ZNF831: variants seen among roughly 807,000 people sequenced by gnomAD.
The protein encoded by ZNF831 is zinc finger protein 831.
ZNF831 carries 59 observed loss-of-function variants against 95.8 expected under a neutral mutation model. The ratio of observed to expected loss-of-function variants is 0.62; its 90% CI spans 0.50 to 0.77. The LOEUF (loss-of-function observed/expected upper bound fraction) is 0.77, where lower values mean the gene tolerates loss of function less well. ZNF831 is among the 30% of genes least tolerant of loss of function. ZNF831 has a pLI of 0.00. For synonymous variants in ZNF831, 961 were observed against 925.5 expected, an observed-to-expected ratio of 1.04 and a Z score of -0.70; for missense variants, 2,205 against 2,164.0, an observed-to-expected ratio of 1.02 and a Z score of -0.38.
chr20:59,218,667 C>T (rs1344898126), intron 4 of ZNF831, among the ~76,000 whole-genome samples: 1 of 151,686 alleles, frequency 6.6e-6, no homozygotes, highest in Non-Finnish European at 1.5e-5. Flanking sequence ...ATGTGGCTGT[C>T]CTTGACCCTG....
chr20:59,233,614 G>A (rs139538378), intron 4 of ZNF831, among the ~76,000 whole-genome samples: 400 of 152,258 alleles, frequency 2.6e-3, no homozygotes, highest in Admixed American at 7.9e-3. Context: ...GTAAACAAGT[G>A]GCCATCCAAC....
intron 1 of ZNF831, among the ~76,000 whole-genome samples, chr20:59,132,656 T>G (rs1235780175): frequency 6.6e-6 from 1 of 152,268 alleles, no homozygotes; most frequent in African/African-American, 2.4e-5. Flanking sequence ...TGCCTATTTT[T>G]TTTTCAATTG....
intron 3 of ZNF831, among the ~76,000 whole-genome samples, chr20:59,204,732 C>T (rs1030010563): frequency 2.6e-5 from 4 of 152,108 alleles, no homozygotes; most frequent in Admixed American, 6.5e-5. Flanking sequence ...CAGCCGGGTG[C>T]GGAGGTGCAG....
chr20:59,254,703 C>T lies in ZNF831; in HGVS notation c.4994C>T (p.Thr1665Ile), dbSNP rs1988095404. The T allele has an allele frequency of 6.2e-7, 1 of 1,613,148 alleles. No individual in the cohort carries two copies. Among genetic ancestry groups the T allele is most frequent in the Non-Finnish European group, 8.5e-7 (1 of 1,179,808 alleles). Reference protein sequence around the residue: ...RKQTRVEFSDTSSDDEDRLVI... With the variant: ...RKQTRVEFSDISSDDEDRLVI... ...CAAACTCGAGTAGAGTTCAGTGACA[C>T]CAGCAGCGACGATGAAGACCGATTA... Residue 1665 changes from threonine (T) to isoleucine (I), a missense_variant, in exon 6 of 6, where the codon ACC becomes ATC. Coordinates refer to ENST00000371030, the MANE Select transcript of ZNF831 (RefSeq NM_178457.3). The surrounding 1 kb of genome is among the most constrained non-coding windows in gnomAD (Gnocchi z 4.5).
intron 1 of ZNF831, among the ~76,000 whole-genome samples, chr20:59,184,983 G>A (rs576876713): frequency 1.3e-5 from 2 of 152,306 alleles, no homozygotes; most frequent in South Asian, 4.1e-4. Flanking sequence ...TGAGGGATGC[G>A]CCAAGTTCCC....
chr20:59,123,897 A>G lies in ZNF831; in HGVS notation c.-1425+392A>G, dbSNP rs140608923. 2.2e-3 allele frequency among the ~76,000 whole-genome samples: 329 copies of G among 152,340 alleles called. 1 individual carries two copies. The highest frequency in any genetic ancestry group is 7.6e-3 in the African/African-American group (315 of 41,574). ...CATCCACAGAACATAAACCAGATTA[A>G]GAAGCTCTCTGAAGCATATTTGAAG... On this transcript the variant is annotated intron_variant, in intron 1 of 7. Transcript: ENST00000637017.
In ZNF831 at chr20:59,233,352, A is replaced by C. The variant is rs188134796; in HGVS notation, c.4028-19626A>C. On this transcript the variant is annotated intron_variant, in intron 4 of 5. Coordinates refer to ENST00000371030, the MANE Select transcript of ZNF831 (RefSeq NM_178457.3). ...TTTTGGCCTAGGTTCTTCTCCCAAC[A>C]TTTGCCTTTGGGTCCCTCCTGGTGT... Among the ~76,000 whole-genome samples the C allele has an allele frequency of 2.6e-3, 395 of 152,022 alleles. 4 individuals are homozygous for C. The highest frequency in any genetic ancestry group is 3.1e-3 in the Non-Finnish European group (210 of 67,978).
chr20:59,191,733 C>T lies in ZNF831; in HGVS notation c.714C>T (p.His238=), dbSNP rs1983553012. The T allele has an allele frequency of 2.5e-6, 4 of 1,588,770 alleles. No homozygotes were observed. The highest frequency in any genetic ancestry group is 3.4e-6 in the Non-Finnish European group (4 of 1,166,410). ...GRGESRCQGM[H]EGASERPLSP... is the part of the protein sequence containing the mutation. ...GCGAGAGCAGGTGCCAGGGGATGCA[C>T]GAAGGCGCCTCGGAGAGACCCCTTT... Residue 238 remains histidine (H), a synonymous_variant, in exon 2 of 6, where the codon CAC becomes CAT. Transcript: ENST00000371030.
chr20:59,159,646 G>A (rs1228664823), upstream of ZNF831: 5 of 152,160 alleles, frequency 3.3e-5, no homozygotes, highest in Admixed American at 1.3e-4. Flanking sequence ...CTGTTCCCTC[G>A]CACAGGGCTG....
intron 4 of ZNF831, among the ~76,000 whole-genome samples, chr20:59,238,072 T>G (rs1227571150): frequency 2.6e-5 from 4 of 152,300 alleles, no homozygotes; most frequent in South Asian, 4.1e-4. Context: ...TCATCCATAT[T>G]TTATCTGCCA....
chr20:59,240,651 A>T (rs1312218521), intron 4 of ZNF831, among the ~76,000 whole-genome samples: 1 of 151,828 alleles, frequency 6.6e-6, no homozygotes, highest in Non-Finnish European at 1.5e-5. Context: ...AATACAAAAA[A>T]ATTAGCCGGG....
At chr20:59,182,869 G>A (rs779675407) in intron 1 of ZNF831, among the ~76,000 whole-genome samples, 15 of 152,344 alleles carry the variant, frequency 9.8e-5, no homozygotes, top group Admixed American at 4.6e-4. Flanking sequence ...TTAGGGAGGC[G>A]TTGTTTCTAA....
intron 1 of ZNF831, among the ~76,000 whole-genome samples, chr20:59,178,475 C>T (rs1382702758): frequency 6.6e-6 from 1 of 152,200 alleles, no homozygotes; most frequent in Non-Finnish European, 1.5e-5. Context: ...AATTCATTCA[C>T]TCAACCAATA....
At chr20:59,125,291 G>A (rs773060234) in intron 1 of ZNF831, among the ~76,000 whole-genome samples, 6 of 152,204 alleles carry the variant, frequency 3.9e-5, no homozygotes, top group Admixed American at 2.0e-4. Context: ...TTCTTGATAC[G>A]TGAAATAATA....
Position 59,254,556 on chromosome 20 carries a change from A to C in ZNF831, c.4847A>C (p.Gln1616Pro), listed in dbSNP as rs759013571. Reference protein sequence around the residue: ...PSLGSDGRKRQVSGLITRKDS... With the variant: ...PSLGSDGRKRPVSGLITRKDS... Reference sequence around the variant, plus strand: ...TTAGGAAGTGACGGTAGGAAACGTCAGGTATCTGGATTAATCACTCGGAAA... The same window carrying C: ...TTAGGAAGTGACGGTAGGAAACGTCCGGTATCTGGATTAATCACTCGGAAA... Residue 1616 changes from glutamine (Q) to proline (P), a missense_variant, in exon 6 of 6, where the codon CAG (glutamine) becomes CCG (proline). Physicochemically the swap from Gln to Pro is moderately conservative, Grantham distance 76. Coordinates refer to ENST00000371030, the MANE Select transcript of ZNF831 (RefSeq NM_178457.3). This position sits in a 1 kb window ranked among gnomAD's most constrained non-coding sequence, Gnocchi z 4.5. 1.9e-6 allele frequency: 3 copies of C among 1,614,100 alleles called. No individual in the cohort carries two copies. Among genetic ancestry groups the C allele is most frequent in the Non-Finnish European group, 2.5e-6 (3 of 1,180,036 alleles).
At chr20:59,128,654 G>T (rs1457510619) in intron 1 of ZNF831, among the ~76,000 whole-genome samples, 17 of 152,258 alleles carry the variant, frequency 1.1e-4, no homozygotes, top group Non-Finnish European at 1.9e-4. Flanking sequence ...CCACTTGTTG[G>T]GGGGCTGGGG....
At chr20:59,203,541 G>C (rs1226894362) in intron 3 of ZNF831, among the ~76,000 whole-genome samples, 1 of 152,208 alleles carries the variant, frequency 6.6e-6, no homozygotes, top group Non-Finnish European at 1.5e-5. Flanking sequence ...ACGTGGCACA[G>C]ATTGTCTGTG....
At chr20:59,138,435 C>T (rs929081170) in intron 1 of ZNF831, among the ~76,000 whole-genome samples, 6 of 151,702 alleles carry the variant, frequency 4.0e-5, no homozygotes, top group South Asian at 2.1e-4. Context: ...ATCCTTCAGT[C>T]TCGCTGGCCC....
intron 1 of ZNF831, among the ~76,000 whole-genome samples, chr20:59,141,966 G>A (rs1048681060): frequency 6.6e-6 from 1 of 152,220 alleles, no homozygotes; most frequent in Non-Finnish European, 1.5e-5. Context: ...GTGAACGGCT[G>A]GCTCTACGTG....
Sources: allele counts gnomAD v4.1 joint callset (sites outside exome capture counted in the v4.1 genomes callset), GRCh38; gene constraint gnomAD v4.1.1; non-coding constraint Gnocchi (gnomAD v3.1); transcripts MANE v1.5; gene names NCBI Gene and HGNC (gene_info 2026-07-23, HGNC 2026-07-21).